PRKN: variants seen among roughly 807,000 people sequenced by gnomAD.
PRKN encodes parkin RBR E3 ubiquitin protein ligase.
Under a neutral mutation model 59.5 loss-of-function variants are expected in PRKN, and 56 were observed. The observed-to-expected ratio is 0.94, with a 90% confidence interval of 0.76 to 1.18. The LOEUF is 1.18. Among genes scored for constraint, PRKN ranks in the 50% most tolerant of loss-of-function variants. The pLI, the probability that PRKN is intolerant of heterozygous loss-of-function variation, is 0.00. For missense variants in PRKN, 657 were observed against 596.4 expected (o/e 1.10, Z -1.06); for synonymous variants, 250 against 222.1 (o/e 1.13, Z -1.12).
chr6:162,010,328 T>G (rs1337473588), intron 5 of PRKN, among the ~76,000 whole-genome samples: 2 of 123,636 alleles, frequency 1.6e-5, no homozygotes, highest in African/African-American at 3.1e-5. Context: ...ATATTTATAA[T>G]ATATAATATA....
At chr6:162,151,899 C>T (rs1782287337) in intron 4 of PRKN, among the ~76,000 whole-genome samples, 1 of 151,834 alleles carries the variant, frequency 6.6e-6, no homozygotes, top group African/African-American at 2.4e-5. Context: ...TTAATTTACA[C>T]TGATTATTTT....
chr6:161,509,291 G>A (rs1778291170), intron 9 of PRKN, among the ~76,000 whole-genome samples: 1 of 151,730 alleles, frequency 6.6e-6, no homozygotes, highest in Non-Finnish European at 1.5e-5. Flanking sequence ...TCTCAGCAGT[G>A]CTTGAGAAAA....
chr6:161,654,532 TGGTCTCCTTTCTG>T (rs1401990349), intron 7 of PRKN, among the ~76,000 whole-genome samples: 1 of 152,188 alleles, frequency 6.6e-6, no homozygotes, highest in Non-Finnish European at 1.5e-5. Flanking sequence ...ATCCCTTTCT[TGGTCTCCTTTCTG>T]GTCTGTCAGT....
chr6:162,132,855 T>A (rs1459545296), intron 4 of PRKN, among the ~76,000 whole-genome samples: 1 of 152,050 alleles, frequency 6.6e-6, no homozygotes, highest in Non-Finnish European at 1.5e-5. Flanking sequence ...GGAGACGGCT[T>A]AGAGCTGAGA....
chr6:161,862,825 G>C (rs1373633701), intron 6 of PRKN, among the ~76,000 whole-genome samples: 2 of 152,184 alleles, frequency 1.3e-5, no homozygotes, highest in African/African-American at 4.8e-5. Flanking sequence ...GTCTATCTCT[G>C]AAGTGGTCAG....
chr6:162,137,216 A>C (rs1170128470), intron 4 of PRKN, among the ~76,000 whole-genome samples: 3 of 152,212 alleles, frequency 2.0e-5, no homozygotes, highest in Non-Finnish European at 4.4e-5. Context: ...GGCTGGGAAT[A>C]TAAAAGAATA....
At chr6:161,969,911 G>A (rs896907341) in intron 6 of PRKN, among the ~76,000 whole-genome samples, 13 of 151,904 alleles carry the variant, frequency 8.6e-5, no homozygotes, top group Non-Finnish European at 1.8e-4. Context: ...AATTTTTCAT[G>A]GTTGTGTGAC....
chr6:161,587,593 G>T (rs1284845341), intron 7 of PRKN, among the ~76,000 whole-genome samples: 1 of 151,898 alleles, frequency 6.6e-6, no homozygotes, highest in Non-Finnish European at 1.5e-5. Flanking sequence ...TCATTCTTAT[G>T]GTAAAATGAA....
chr6:161,818,643 T>A (rs1791891496), intron 6 of PRKN, among the ~76,000 whole-genome samples: 1 of 152,042 alleles, frequency 6.6e-6, no homozygotes, highest in Admixed American at 6.6e-5. Context: ...CCTAGTCACT[T>A]TCAAACAGAA....
intron 6 of PRKN, among the ~76,000 whole-genome samples, chr6:161,911,668 G>C (rs537991923): frequency 5.9e-5 from 9 of 152,218 alleles, no homozygotes; most frequent in Admixed American, 3.3e-4. Flanking sequence ...AGAGAGTATG[G>C]AAATAAATAC....
At chr6:162,129,272 C>T (rs1315841291) in intron 4 of PRKN, among the ~76,000 whole-genome samples, 1 of 152,032 alleles carries the variant, frequency 6.6e-6, no homozygotes, top group East Asian at 1.9e-4. Context: ...ATTTTGTTGG[C>T]ATCTACAAAT....
intron 9 of PRKN, among the ~76,000 whole-genome samples, chr6:161,394,445 C>A (rs1009978781): frequency 1.3e-5 from 2 of 152,196 alleles, no homozygotes; most frequent in African/African-American, 4.8e-5. Flanking sequence ...TTGTGACCTC[C>A]AACACCCTGC....
At chr6:162,131,177 G>T (rs9458466) in intron 4 of PRKN, among the ~76,000 whole-genome samples, 1 of 152,096 alleles carries the variant, frequency 6.6e-6, no homozygotes, top group African/African-American at 2.4e-5. Flanking sequence ...ATGACTGACT[G>T]AGAATGCATC....
intron 7 of PRKN, among the ~76,000 whole-genome samples, chr6:161,732,766 T>C (rs1375315145): frequency 6.6e-6 from 1 of 152,024 alleles, no homozygotes; most frequent in East Asian, 1.9e-4. Flanking sequence ...GATGTCAGAG[T>C]TTTATGGGGC....
At chr6:161,859,343 GC>G (rs1583258422) in intron 6 of PRKN, among the ~76,000 whole-genome samples, 1 of 152,000 alleles carries the variant, frequency 6.6e-6, no homozygotes, top group East Asian at 2.0e-4. Flanking sequence ...GGTGACTGAC[GC>G]CTGTAATCCC....
intron 7 of PRKN, among the ~76,000 whole-genome samples, chr6:161,721,967 T>C (rs2128185552): frequency 6.6e-6 from 1 of 152,190 alleles, no homozygotes; most frequent in East Asian, 1.9e-4. Context: ...AAGCACTTGG[T>C]TTGGAAGCTA....
At chr6:162,695,949 T>C (rs1562504099) in intron 1 of PRKN, among the ~76,000 whole-genome samples, 1 of 152,172 alleles carries the variant, frequency 6.6e-6, no homozygotes, top group African/African-American at 2.4e-5. Flanking sequence ...TTTTCACTTC[T>C]CTGAGCCGAA....
chr6:162,259,476 A>C (rs1779795110), intron 3 of PRKN, among the ~76,000 whole-genome samples: 1 of 152,256 alleles, frequency 6.6e-6, no homozygotes, highest in Admixed American at 6.5e-5. Flanking sequence ...TGGCCATCAA[A>C]GAAACATGGA....
At chr6:162,213,060 A>C (rs1777458925) in intron 3 of PRKN, among the ~76,000 whole-genome samples, 1 of 152,182 alleles carries the variant, frequency 6.6e-6, no homozygotes, top group South Asian at 2.1e-4. Context: ...TAGGAAAAAA[A>C]ATGAAGATAT....
Sources: gnomAD v4.1 joint callset for allele counts (sites outside exome capture counted in the v4.1 genomes callset) on GRCh38, gnomAD v4.1.1 for gene constraint, MANE v1.5 for transcripts, NCBI Gene and HGNC (gene_info 2026-07-23, HGNC 2026-07-21) for gene names.